Variants in CPNE4 observed in about 807,000 individuals in gnomAD.
CPNE4 encodes copine-4.
CPNE4 carries 25 observed loss-of-function variants against 67.9 expected under a neutral mutation model. That is an observed-to-expected ratio of 0.37 (90% CI 0.27 to 0.51). The LOEUF (loss-of-function observed/expected upper bound fraction) is 0.51, where lower values mean the gene tolerates loss of function less well. Ranked by LOEUF, CPNE4 falls within the 20% of genes least tolerant of loss-of-function variation. The pLI is 0.93. For missense variants in CPNE4, 464 were observed against 690.8 expected (o/e 0.67, Z 3.68); for synonymous variants, 242 against 244.9 (o/e 0.99, Z 0.11).
chr3:131,847,650 C>T (rs78960606), intron 2 of CPNE4, among the ~76,000 whole-genome samples: 2,172 of 152,308 alleles, frequency 0.014, 52 homozygotes, highest in African/African-American at 0.048. Context: ...CATTAAAATA[C>T]GCTTTCTAGT....
intron 2 of CPNE4, among the ~76,000 whole-genome samples, chr3:131,810,524 T>C (rs897392168): frequency 4.0e-5 from 6 of 151,778 alleles, no homozygotes; most frequent in Admixed American, 1.3e-4. Flanking sequence ...TAAAAAAAGG[T>C]AAGTGTTAGT....
chr3:131,762,867 G>GTT (rs141875804), intron 2 of CPNE4, among the ~76,000 whole-genome samples: 1 of 150,272 alleles, frequency 6.7e-6, no homozygotes, highest in Admixed American at 6.6e-5. Context: ...GTTTATTATG[G>GTT]TTTTTTTTCC....
At chr3:131,561,879 G>A (rs150250810) in intron 11 of CPNE4, among the ~76,000 whole-genome samples, 17 of 152,142 alleles carry the variant, frequency 1.1e-4, no homozygotes, top group African/African-American at 4.1e-4. Flanking sequence ...TTTCAAGTGA[G>A]CAGCTTGCAA....
At chr3:131,865,586 T>G (rs2086907309) in intron 2 of CPNE4, among the ~76,000 whole-genome samples, 1 of 152,152 alleles carries the variant, frequency 6.6e-6, no homozygotes, top group Non-Finnish European at 1.5e-5. Context: ...TTTATGTGCC[T>G]GGCTCCTCCA....
chr3:131,951,651 G>T (rs1225014), intron 1 of CPNE4, among the ~76,000 whole-genome samples: 1 of 152,276 alleles, frequency 6.6e-6, no homozygotes, highest in East Asian at 1.9e-4. Context: ...TCGGCTCACT[G>T]CAACCTCCCT....
At chr3:132,037,990 T>G (rs2074366082), upstream of CPNE4, 1 of 129,232 alleles carries the variant, frequency 7.7e-6, no homozygotes, top group Non-Finnish European at 1.5e-5. Flanking sequence ...TTCTGTTTCC[T>G]TTTATTTTCT....
At chr3:131,700,658 G>C (rs1215943662) in intron 3 of CPNE4, among the ~76,000 whole-genome samples, 1 of 152,086 alleles carries the variant, frequency 6.6e-6, no homozygotes, top group African/African-American at 2.4e-5. Flanking sequence ...GCCATGATTG[G>C]TTGGCAACCC....
chr3:131,618,789 C>T (rs1940304639), intron 7 of CPNE4, among the ~76,000 whole-genome samples: 1 of 152,028 alleles, frequency 6.6e-6, no homozygotes. Context: ...AGCAGAGGTC[C>T]CCATTCCCAA....
chr3:131,814,698 G>A (rs940916981), intron 2 of CPNE4, among the ~76,000 whole-genome samples: 2 of 123,682 alleles, frequency 1.6e-5, no homozygotes, highest in Admixed American at 9.3e-5. Flanking sequence ...TCCGCCTCCC[G>A]GGTTCACGCC....
intron 7 of CPNE4, among the ~76,000 whole-genome samples, chr3:131,627,339 AC>A (rs2079105243): frequency 6.6e-6 from 1 of 152,196 alleles, no homozygotes; most frequent in Admixed American, 6.5e-5. Flanking sequence ...TTTAGAGTCC[AC>A]TGTGAGACCC....
At chr3:131,570,821 T>C (rs1937300929) in intron 10 of CPNE4, among the ~76,000 whole-genome samples, 1 of 152,074 alleles carries the variant, frequency 6.6e-6, no homozygotes, top group Non-Finnish European at 1.5e-5. Flanking sequence ...CAAAAAAGAA[T>C]AAGAATCATT....
At chr3:131,681,259 T>C (rs1466194714) in intron 6 of CPNE4, among the ~76,000 whole-genome samples, 1 of 152,242 alleles carries the variant, frequency 6.6e-6, no homozygotes, top group Non-Finnish European at 1.5e-5. Context: ...TCAGATGATT[T>C]CTTATTGCTC....
intron 2 of CPNE4, among the ~76,000 whole-genome samples, chr3:131,728,448 T>C (rs1434810063): frequency 2.0e-5 from 3 of 152,170 alleles, no homozygotes; most frequent in Non-Finnish European, 4.4e-5. Context: ...TGAAGCATTT[T>C]TTCATAAACA....
At chr3:131,584,737 A>G (rs1938066774) in intron 8 of CPNE4, among the ~76,000 whole-genome samples, 1 of 152,196 alleles carries the variant, frequency 6.6e-6, no homozygotes, top group South Asian at 2.1e-4. Context: ...TGCACTATCA[A>G]ATATAGTAGC....
intron 4 of CPNE4, 58 bp downstream of exon 4, chr3:131,699,851 G>T: frequency 1.4e-6 from 2 of 1,463,416 alleles, no homozygotes; most frequent in Non-Finnish European, 1.9e-6. Flanking sequence ...GTTTGGGCTG[G>T]CCAGTCCGCC....
At chr3:131,671,976 C>T (rs1643017512) in intron 6 of CPNE4, among the ~76,000 whole-genome samples, 1 of 152,058 alleles carries the variant, frequency 6.6e-6, no homozygotes, top group African/African-American at 2.4e-5. Context: ...TACTACCCTT[C>T]GCAGCCTCTG....
At chr3:131,768,167 G>A (rs1246159952) in intron 2 of CPNE4, among the ~76,000 whole-genome samples, 4 of 151,974 alleles carry the variant, frequency 2.6e-5, no homozygotes, top group African/African-American at 4.8e-5. Context: ...GCTGGTTTTC[G>A]GGAACATTTG....
At chr3:131,741,107 T>A (rs2082346779) in intron 2 of CPNE4, among the ~76,000 whole-genome samples, 1 of 152,240 alleles carries the variant, frequency 6.6e-6, no homozygotes. Context: ...TTTGCTGCTT[T>A]AATTTTTCTC....
intron 2 of CPNE4, among the ~76,000 whole-genome samples, chr3:131,725,746 T>C (rs887936481): frequency 1.3e-5 from 2 of 152,208 alleles, no homozygotes; most frequent in Non-Finnish European, 1.5e-5. Flanking sequence ...TTCCCTTCAT[T>C]TTCCCACTTA....
Sources: allele counts gnomAD v4.1 joint callset (sites outside exome capture counted in the v4.1 genomes callset), GRCh38; gene constraint gnomAD v4.1.1; transcripts MANE v1.5; gene names NCBI Gene and HGNC (gene_info 2026-07-23, HGNC 2026-07-21).